CDC14B: variants seen among roughly 807,000 people sequenced by gnomAD.
CDC14B encodes the protein cell division cycle 14B.
Under a neutral mutation model 64.2 loss-of-function variants are expected in CDC14B, and 22 were observed. That is an observed-to-expected ratio of 0.34 (90% CI 0.24 to 0.49). The LOEUF (loss-of-function observed/expected upper bound fraction) is 0.49. Among genes scored for constraint, CDC14B ranks in the 20% least tolerant of loss-of-function variants. CDC14B has a pLI of 0.99. For missense variants in CDC14B, 498 were observed against 629.9 expected (o/e 0.79, Z 2.24); for synonymous variants, 191 against 215.8 (o/e 0.89, Z 1.01).
At chr9:96,603,778 C>A (rs562105668) in intron 1 of CDC14B, among the ~76,000 whole-genome samples, 1 of 152,056 alleles carries the variant, frequency 6.6e-6, no homozygotes, top group Non-Finnish European at 1.5e-5. Context: ...AAAGACACTG[C>A]GCAAGATTTT....
chr9:96,577,620 C>T (rs557691362), intron 1 of CDC14B, among the ~76,000 whole-genome samples: 4 of 152,278 alleles, frequency 2.6e-5, no homozygotes, highest in African/African-American at 4.8e-5. Context: ...CACTCCCAGG[C>T]CAGACCACTA....
intron 9 of CDC14B, among the ~76,000 whole-genome samples, chr9:96,532,970 GATTT>G (rs1258736264): frequency 6.6e-6 from 1 of 152,030 alleles, no homozygotes; most frequent in Non-Finnish European, 1.5e-5. Context: ...AGCTTCTGTG[GATTT>G]ATTTCTTCTT....
chr9:96,564,707 T>C, intron 3 of CDC14B, 70 bp downstream of exon 3: 5 of 860,842 alleles, frequency 5.8e-6, no homozygotes, highest in Non-Finnish European at 9.1e-6. Flanking sequence ...TAAAAAGAGA[T>C]GTTTTCCTTA....
chr9:96,529,902 T>A lies in CDC14B; in HGVS notation c.946+4025A>T, dbSNP rs190984844. Among the ~76,000 whole-genome samples, 346 of 152,280 alleles carry A rather than the reference T, an allele frequency of 2.3e-3. 1 individual carries two copies. The highest frequency in any genetic ancestry group is 1.5e-3 in the Non-Finnish European group (105 of 68,014). ...AGATTCCAAATGAATTTCAGAATCA[T>A]TTTTCTATTTTTGCAAGAAATGTTG... is the stretch of plus-strand genomic sequence containing the variant. On this transcript the variant is annotated intron_variant, in intron 9 of 13. Transcript: ENST00000375241.
chr9:96,610,688 A>G (rs1847257765), intron 1 of CDC14B, among the ~76,000 whole-genome samples: 1 of 152,060 alleles, frequency 6.6e-6, no homozygotes, highest in Admixed American at 6.5e-5. Context: ...TAGTTATAAC[A>G]ACTCATTGTG....
At chr9:96,607,267 C>T (rs1005033664) in intron 1 of CDC14B, among the ~76,000 whole-genome samples, 2 of 151,788 alleles carry the variant, frequency 1.3e-5, no homozygotes, top group African/African-American at 4.8e-5. Context: ...CTGATCAATG[C>T]TACCTGAAAA....
chr9:96,536,651 G>A (rs73654896), intron 7 of CDC14B, among the ~76,000 whole-genome samples: 1 of 152,142 alleles, frequency 6.6e-6, no homozygotes, highest in Non-Finnish European at 1.5e-5. Flanking sequence ...TCAGTTAAAC[G>A]TAAGAGTTTG....
At chr9:96,616,342 A>G (rs1272118750) in intron 1 of CDC14B, among the ~76,000 whole-genome samples, 1 of 151,984 alleles carries the variant, frequency 6.6e-6, no homozygotes, top group Non-Finnish European at 1.5e-5. Flanking sequence ...AAGAGAACTA[A>G]TCTTGCTGGT....
chr9:96,555,866 A>G (rs376800853), intron 4 of CDC14B, among the ~76,000 whole-genome samples: 3 of 152,146 alleles, frequency 2.0e-5, no homozygotes, highest in East Asian at 1.9e-4. Context: ...TAAAATCACC[A>G]TCTGCATGCC....
intron 1 of CDC14B, among the ~76,000 whole-genome samples, chr9:96,587,578 T>C (rs950557677): frequency 2.6e-5 from 4 of 152,206 alleles, no homozygotes; most frequent in African/African-American, 7.2e-5. Context: ...GCCTGTTTCA[T>C]AAACAAGTGA....
chr9:96,617,108 A>ATT (rs11336438), intron 1 of CDC14B, among the ~76,000 whole-genome samples: 2 of 147,538 alleles, frequency 1.4e-5, no homozygotes, highest in African/African-American at 2.5e-5. Flanking sequence ...ATCTGATAGG[A>ATT]TTTTTTTTTT....
intron 1 of CDC14B, among the ~76,000 whole-genome samples, chr9:96,583,305 T>C (rs1845264816): frequency 6.6e-6 from 1 of 151,760 alleles, no homozygotes; most frequent in Non-Finnish European, 1.5e-5. Context: ...TCTTCAGGGA[T>C]AGTGTTTGAA....
At chr9:96,594,714 C>CAAAAAAA (rs11414625) in intron 1 of CDC14B, among the ~76,000 whole-genome samples, 1 of 42,418 alleles carries the variant, frequency 2.4e-5, no homozygotes, top group Non-Finnish European at 4.4e-5. Context: ...AAGGCTGTCT[C>CAAAAAAA]AAAAAAAAAA....
At position 96,515,871 on chromosome 9, in the gene CDC14B, G is replaced by A; in HGVS notation, c.1344-6082C>T. ...AATTACGCAATCATCAATCAATCAA[G>A]CCATATGTGAATTTTAGACACCCTA... On this transcript the variant is annotated intron_variant, in intron 12 of 13. Coordinates refer to ENST00000375241, the MANE Select transcript of CDC14B (RefSeq NM_033331.4). This position sits in a 1 kb window ranked among gnomAD's most constrained non-coding sequence, Gnocchi z 4.3. 7.3e-7 allele frequency: 1 copy of A among 1,360,782 alleles called. No homozygotes were observed. The highest frequency in any genetic ancestry group is 2.7e-5 in the East Asian group (1 of 37,628). 84.3% of individuals were successfully genotyped at this position (1,360,782 alleles called of 1,614,324 possible). A position where few individuals can be genotyped will look rare whatever the true frequency, so the allele number is the denominator to read the frequency against.
intron 1 of CDC14B, among the ~76,000 whole-genome samples, chr9:96,565,983 A>G (rs1005602394): frequency 1.3e-5 from 2 of 152,216 alleles, no homozygotes; most frequent in Admixed American, 6.5e-5. Context: ...TGTTTCTCCA[A>G]CTGTTCTTAG....
chr9:96,492,231 A>C (rs1417290021), exon 14 of CDC14B: 2 of 152,308 alleles, frequency 1.3e-5, no homozygotes, highest in East Asian at 3.9e-4. Context: ...AGTGGAGGTC[A>C]AGCAAGTTTG....
At chr9:96,531,047 T>C (rs563710124) in intron 9 of CDC14B, among the ~76,000 whole-genome samples, 48 of 152,342 alleles carry the variant, frequency 3.2e-4, no homozygotes, top group Non-Finnish European at 6.0e-4. Context: ...TGAATTCCAT[T>C]GGCTAGTATT....
At chr9:96,542,643 C>T (rs939571235) in intron 5 of CDC14B, among the ~76,000 whole-genome samples, 3 of 151,580 alleles carry the variant, frequency 2.0e-5, no homozygotes, top group South Asian at 2.1e-4. Context: ...CATGTATCAC[C>T]GCATCTAGCT....
intron 4 of CDC14B, among the ~76,000 whole-genome samples, chr9:96,558,798 T>A (rs141436216): frequency 6.6e-6 from 1 of 152,224 alleles, no homozygotes; most frequent in South Asian, 2.1e-4. Flanking sequence ...GCAAACTTAT[T>A]TTGTAAAACA....
Sources: gnomAD v4.1 joint callset for allele counts (sites outside exome capture counted in the v4.1 genomes callset) on GRCh38, gnomAD v4.1.1 for gene constraint, Gnocchi (gnomAD v3.1) non-coding constraint, MANE v1.5 for transcripts, NCBI Gene and HGNC (gene_info 2026-07-23, HGNC 2026-07-21) for gene names.